Variants in FER observed in about 807,000 individuals in gnomAD.
FER encodes the protein tyrosine-protein kinase Fer.
Under a neutral mutation model 111.0 loss-of-function variants are expected in FER, and 63 were observed. The ratio of observed to expected loss-of-function variants is 0.57; its 90% CI spans 0.46 to 0.70. The LOEUF (loss-of-function observed/expected upper bound fraction) is 0.70. Among genes scored for constraint, FER ranks in the 30% least tolerant of loss-of-function variants. The pLI, the probability that FER is intolerant of heterozygous loss-of-function variation, is 0.00. For missense variants in FER, 914 were observed against 954.0 expected (o/e 0.96, Z 0.55); for synonymous variants, 327 against 313.9 (o/e 1.04, Z -0.44).
At chr5:108,779,664 A>T (rs10041659) in intron 2 of FER, among the ~76,000 whole-genome samples, 36,586 of 152,144 alleles carry the variant, frequency 0.24, 4,628 homozygotes, top group African/African-American at 0.32. Flanking sequence ...CTGTAATTGC[A>T]TATTAGTTCA....
At chr5:108,758,863 A>G (rs1308375315) in intron 1 of FER, among the ~76,000 whole-genome samples, 4 of 152,178 alleles carry the variant, frequency 2.6e-5, no homozygotes, top group South Asian at 2.1e-4. Flanking sequence ...CGCATTTACT[A>G]TAGTCCTCTA....
intron 10 of FER, among the ~76,000 whole-genome samples, chr5:108,938,629 A>G (rs942086503): frequency 1.3e-5 from 2 of 152,002 alleles, no homozygotes; most frequent in African/African-American, 4.8e-5. Context: ...ATGATGTAGC[A>G]TGGCATCTAA....
At chr5:108,968,357 A>T (rs1345604401) in intron 13 of FER, among the ~76,000 whole-genome samples, 1 of 152,152 alleles carries the variant, frequency 6.6e-6, no homozygotes, top group Non-Finnish European at 1.5e-5. Context: ...ACTGCCCTCT[A>T]GCCTGGGCCA....
intron 17 of FER, among the ~76,000 whole-genome samples, chr5:109,145,551 C>T (rs1169488249): frequency 6.6e-6 from 1 of 152,004 alleles, no homozygotes; most frequent in Non-Finnish European, 1.5e-5. Flanking sequence ...TTAAATTACT[C>T]TGTGCTTTGC....
intron 17 of FER, among the ~76,000 whole-genome samples, chr5:109,163,532 T>A (rs1276148007): frequency 1.3e-5 from 2 of 152,226 alleles, no homozygotes; most frequent in South Asian, 4.1e-4. Context: ...TATTTCTTCA[T>A]GTCTTTGTCA....
intron 2 of FER, among the ~76,000 whole-genome samples, chr5:108,772,546 C>T (rs1041865765): frequency 2.0e-5 from 3 of 151,704 alleles, no homozygotes; most frequent in Admixed American, 6.6e-5. Context: ...ACTATTCAAC[C>T]AAAATTTATT....
chr5:109,149,349 G>T (rs72796600), intron 17 of FER, among the ~76,000 whole-genome samples: 4,900 of 152,240 alleles, frequency 0.032, 109 homozygotes, highest in Middle Eastern at 0.086. Context: ...TGGAGCATGA[G>T]ACACCCTAAA....
intron 17 of FER, among the ~76,000 whole-genome samples, chr5:109,125,083 A>T (rs2126530210): frequency 6.6e-6 from 1 of 151,356 alleles, no homozygotes; most frequent in South Asian, 2.1e-4. Flanking sequence ...ATAGAAGTTG[A>T]CTGCTAATCA....
chr5:108,770,888 C>T (rs1256465955), intron 2 of FER, among the ~76,000 whole-genome samples: 3 of 151,776 alleles, frequency 2.0e-5, no homozygotes, highest in African/African-American at 4.8e-5. Flanking sequence ...GTGTATTATT[C>T]GTTTCTTCTA....
At chr5:109,000,643 T>C (rs961795693) in intron 13 of FER, among the ~76,000 whole-genome samples, 7 of 151,634 alleles carry the variant, frequency 4.6e-5, no homozygotes, top group African/African-American at 1.7e-4. Flanking sequence ...AGGCAAGAAA[T>C]AACTAAGATC....
chr5:109,037,516 A>G (rs768007875), intron 14 of FER, 38 bp downstream of exon 14: 101 of 1,562,006 alleles, frequency 6.5e-5, no homozygotes, highest in South Asian at 5.3e-4. Flanking sequence ...AGAAGTCTCT[A>G]TATTGATTGT....
chr5:109,153,805 T>C (rs1755097221), intron 17 of FER, among the ~76,000 whole-genome samples: 1 of 151,882 alleles, frequency 6.6e-6, no homozygotes, highest in Non-Finnish European at 1.5e-5. Context: ...CTAGAGTCCT[T>C]GTATTTAACC....
At chr5:109,027,450 C>A (rs534140118) in intron 13 of FER, among the ~76,000 whole-genome samples, 20 of 152,190 alleles carry the variant, frequency 1.3e-4, no homozygotes, top group African/African-American at 4.8e-4. Flanking sequence ...TAAGGTTGTT[C>A]TTTACTATTA....
chr5:108,833,391 T>C lies in FER; in HGVS notation c.381+448T>C, dbSNP rs369918974. On this transcript the variant is annotated intron_variant, in intron 4 of 19. Transcript: ENST00000281092. The stretch of plus-strand genomic sequence containing the variant: ...GACTTTTTTCAAATTATTTTTATTA[T>C]AGAAATTTGTAAATGTATAAAACAA... 3.3e-5 allele frequency among the ~76,000 whole-genome samples: 5 copies of C among 152,148 alleles called. No individual in the cohort carries two copies. In the East Asian group the frequency reaches 9.6e-4, roughly 29 times the overall value.
intron 5 of FER, among the ~76,000 whole-genome samples, chr5:108,846,995 A>T (rs1326949505): frequency 6.6e-6 from 1 of 151,210 alleles, no homozygotes; most frequent in Admixed American, 6.6e-5. Context: ...TGTGATTTCT[A>T]CTTTAACACT....
chr5:109,134,428 G>C (rs1023293634), intron 17 of FER, among the ~76,000 whole-genome samples: 1 of 152,046 alleles, frequency 6.6e-6, no homozygotes, highest in African/African-American at 2.4e-5. Context: ...ATAATCTTAA[G>C]GTTTTTCTTT....
At chr5:108,769,513 G>C (rs1337583349) in intron 2 of FER, among the ~76,000 whole-genome samples, 3 of 152,194 alleles carry the variant, frequency 2.0e-5, no homozygotes, top group African/African-American at 4.8e-5. Flanking sequence ...TTTAACTGCT[G>C]TGTGAGACAT....
At chr5:108,878,616 G>A (rs960793039) in intron 8 of FER, among the ~76,000 whole-genome samples, 1 of 152,062 alleles carries the variant, frequency 6.6e-6, no homozygotes, top group Admixed American at 6.6e-5. Context: ...TGATGGAGTT[G>A]GTGCTAGGTT....
chr5:108,976,891 T>A (rs945744159), intron 13 of FER, among the ~76,000 whole-genome samples: 1 of 152,220 alleles, frequency 6.6e-6, no homozygotes, highest in Non-Finnish European at 1.5e-5. Flanking sequence ...ATATTATGAC[T>A]TTTCTCTGCT....
Sources: gnomAD v4.1 joint callset for allele counts (sites outside exome capture counted in the v4.1 genomes callset) on GRCh38, gnomAD v4.1.1 for gene constraint, MANE v1.5 for transcripts, NCBI Gene and HGNC (gene_info 2026-07-23, HGNC 2026-07-21) for gene names.